Variants in OSBPL3 observed in about 807,000 individuals in gnomAD.
OSBPL3 encodes the protein oxysterol-binding protein-related protein 3.
OSBPL3 carries 65 observed loss-of-function variants against 120.1 expected under a neutral mutation model. The ratio of observed to expected loss-of-function variants is 0.54; its 90% CI spans 0.44 to 0.67. The LOEUF is 0.67. Ranked by LOEUF, OSBPL3 falls within the 30% of genes least tolerant of loss-of-function variation. OSBPL3 has a pLI of 0.00. For synonymous variants in OSBPL3, 416 were observed against 402.6 expected (o/e 1.03, Z -0.40); for missense variants, 1,004 against 1,082.1 (o/e 0.93, Z 1.01).
chr7:24,962,583 A>C (rs538808618), intron 1 of OSBPL3, among the ~76,000 whole-genome samples: 1 of 152,326 alleles, frequency 6.6e-6, no homozygotes, highest in East Asian at 1.9e-4. Context: ...AGGTGGGAAC[A>C]ACCAGAGCCA....
chr7:24,877,015 A>AT lies in OSBPL3; in HGVS notation c.97-4947dup, dbSNP rs1584474095. Reference sequence around the variant, plus strand: ...GAGATTGGATTTATTAGTATTCTTTATTTTTTTGCATGTGGAAACTGAGGA... The same window carrying AT: ...GAGATTGGATTTATTAGTATTCTTTATTTTTTTTGCATGTGGAAACTGAGGA... On this transcript the variant is annotated intron_variant, in intron 2 of 22. Coordinates refer to ENST00000313367, the MANE Select transcript of OSBPL3 (RefSeq NM_015550.4). This position sits in a 1 kb window ranked among gnomAD's most constrained non-coding sequence, Gnocchi z 4.8. Among the ~76,000 whole-genome samples, 1 of 152,088 alleles carries AT rather than the reference A, an allele frequency of 6.6e-6. No individual in the cohort carries two copies. Among genetic ancestry groups the AT allele is most frequent in the African/African-American group, 2.4e-5 (1 of 41,416 alleles).
Position 24,922,719 on chromosome 7 carries a change from C to A in OSBPL3, c.-149-30098G>T, listed in dbSNP as rs111821161. ...CCTGACCACCTGCTTCACAGCCTTG[C>A]TATGAACTCTGTTCTTTGCACGTAA... On this transcript the variant is annotated intron_variant, in intron 1 of 22. Transcript: ENST00000313367. The surrounding 1 kb of genome is among the most constrained non-coding windows in gnomAD (Gnocchi z 4.3). Among the ~76,000 whole-genome samples the A allele has an allele frequency of 6.6e-6, 1 of 152,132 alleles. No individual in the cohort carries two copies. Among genetic ancestry groups the A allele is most frequent in the African/African-American group, 2.4e-5 (1 of 41,404 alleles).
intron 1 of OSBPL3, 126 bp from the exon 2 acceptor site, chr7:24,892,747 C>T (rs7784081): frequency 1.5e-4 from 74 of 481,688 alleles, no homozygotes; most frequent in Non-Finnish European, 2.1e-4. Flanking sequence ...CTATAGCAGG[C>T]GCCGAGAAGG....
intron 1 of OSBPL3, among the ~76,000 whole-genome samples, chr7:24,978,093 A>G (rs1817784539): frequency 6.6e-6 from 1 of 152,230 alleles, no homozygotes; most frequent in Non-Finnish European, 1.5e-5. Context: ...CTGGAATCCT[A>G]GTTCTGCCAG....
chr7:24,828,394 T>A (rs938598375), intron 16 of OSBPL3, among the ~76,000 whole-genome samples: 2 of 152,086 alleles, frequency 1.3e-5, no homozygotes, highest in East Asian at 3.8e-4. Flanking sequence ...GCGGATCCCA[T>A]GAGGTCAGTT....
At chr7:24,860,419 C>T (rs73087750) in intron 10 of OSBPL3, among the ~76,000 whole-genome samples, 3,243 of 152,248 alleles carry the variant, frequency 0.021, 48 homozygotes, top group Non-Finnish European at 0.032. Context: ...ACGGGGGTGG[C>T]TTCCCAAATA....
At chr7:24,811,316 A>G (rs1793768116) in intron 19 of OSBPL3, among the ~76,000 whole-genome samples, 1 of 152,114 alleles carries the variant, frequency 6.6e-6, no homozygotes, top group African/African-American at 2.4e-5. Flanking sequence ...GGCCACTTGT[A>G]TGTCTTCTTT....
intron 1 of OSBPL3, among the ~76,000 whole-genome samples, chr7:24,951,447 T>G (rs1044669427): frequency 6.6e-6 from 1 of 152,236 alleles, no homozygotes; most frequent in African/African-American, 2.4e-5. Context: ...CTGAATGTTA[T>G]TAAATATATA....
intron 2 of OSBPL3, among the ~76,000 whole-genome samples, chr7:24,889,800 C>A (rs1805072650): frequency 6.6e-6 from 1 of 152,124 alleles, no homozygotes; most frequent in Non-Finnish European, 1.5e-5. Flanking sequence ...GAGGGGGAAG[C>A]CCCCACACCA....
At position 24,819,244 on chromosome 7, in the gene OSBPL3, T is replaced by C. The variant is rs1308497885; in HGVS notation, c.1948+931A>G. Reference sequence around the variant, plus strand: ...CTCCAGCCTAGCAACAGACTGAGACTCCATTTCAAAAAAAAAAAAAAAAAA... The same window carrying C: ...CTCCAGCCTAGCAACAGACTGAGACCCCATTTCAAAAAAAAAAAAAAAAAA... On this transcript the variant is annotated intron_variant, in intron 17 of 22. Transcript: ENST00000313367. The surrounding 1 kb of genome is among the most constrained non-coding windows in gnomAD (Gnocchi z 4.1). 8.5e-6 allele frequency among the ~76,000 whole-genome samples: 1 copy of C among 117,202 alleles called. No individual in the cohort carries two copies. Among genetic ancestry groups the C allele is most frequent in the Non-Finnish European group, 1.7e-5 (1 of 59,020 alleles). The allele number at this position is 117,202 out of a possible 152,430, so 76.9% of individuals were successfully genotyped here.
In OSBPL3 at chr7:24,803,120, C is replaced by G. The variant is rs539190871; in HGVS notation, c.2567+1195G>C. Among the ~76,000 whole-genome samples the G allele has an allele frequency of 2.6e-5, 4 of 152,294 alleles. No homozygotes were observed. Among genetic ancestry groups the G allele is most frequent in the African/African-American group, 7.2e-5 (3 of 41,564 alleles). On this transcript the variant is annotated intron_variant, in intron 22 of 22. Coordinates refer to ENST00000313367, the MANE Select transcript of OSBPL3 (RefSeq NM_015550.4). This position sits in a 1 kb window ranked among gnomAD's most constrained non-coding sequence, Gnocchi z 4.2. ...TGGAATACAGATTTTATTACTGCTG[C>G]TGTTATTAATAACTAAATCCTAAAA...
chr7:24,853,418 A>G (rs1244440966), intron 10 of OSBPL3, among the ~76,000 whole-genome samples: 1 of 152,228 alleles, frequency 6.6e-6, no homozygotes, highest in Non-Finnish European at 1.5e-5. Context: ...GAAACATTTT[A>G]TTTTTACAAG....
Position 24,803,685 on chromosome 7 carries a change from C to A in OSBPL3, c.2567+630G>T, listed in dbSNP as rs1384622044. Reference sequence around the variant, plus strand: ...ACTTAGGAGGCTGAGGCAGGAGAATCGCTTGAACCCAGGAGGTGGAGGCTG... The same window carrying A: ...ACTTAGGAGGCTGAGGCAGGAGAATAGCTTGAACCCAGGAGGTGGAGGCTG... On this transcript the variant is annotated intron_variant, in intron 22 of 22. Coordinates refer to ENST00000313367, the MANE Select transcript of OSBPL3 (RefSeq NM_015550.4). This position sits in a 1 kb window ranked among gnomAD's most constrained non-coding sequence, Gnocchi z 4.2. Among the ~76,000 whole-genome samples the A allele has an allele frequency of 6.6e-6, 1 of 152,050 alleles. No homozygotes were observed. The highest frequency in any genetic ancestry group is 2.1e-4 in the South Asian group (1 of 4,814).
intron 1 of OSBPL3, among the ~76,000 whole-genome samples, chr7:24,903,570 T>C (rs114308653): frequency 4.1e-4 from 63 of 152,376 alleles, no homozygotes; most frequent in African/African-American, 1.5e-3. Context: ...TTTTCTACCT[T>C]GTTCACAAGG....
rs138201019 is a variant in OSBPL3 at position 24,965,037 on chromosome 7, C to A, written c.-150+14849G>T. ...ATTATTTGTAATTGAGACTACTGGG[C>A]CACTAAAGTGCATGAGTTCAGAAGT... On this transcript the variant is annotated intron_variant, in intron 1 of 22. Transcript: ENST00000313367. This position sits in a 1 kb window ranked among gnomAD's most constrained non-coding sequence, Gnocchi z 4.3. 2.0e-5 allele frequency among the ~76,000 whole-genome samples: 3 copies of A among 152,200 alleles called. No homozygotes were observed. Among genetic ancestry groups the A allele is most frequent in the African/African-American group, 7.2e-5 (3 of 41,526 alleles).
chr7:24,901,363 A>AG (rs577443248), intron 1 of OSBPL3, among the ~76,000 whole-genome samples: 112 of 150,794 alleles, frequency 7.4e-4, no homozygotes, highest in Non-Finnish European at 1.3e-3. Context: ...GAAAAAAAAA[A>AG]AGAGAGAGAG....
chr7:24,905,789 G>C (rs928799101), intron 1 of OSBPL3, among the ~76,000 whole-genome samples: 6 of 152,200 alleles, frequency 3.9e-5, no homozygotes, highest in African/African-American at 7.2e-5. Context: ...TCAGCACTTC[G>C]GGAGGCCGAG....
In OSBPL3 at chr7:24,938,779, A is replaced by ATGTGTGTGTCTGTG. The variant is rs1464067345; in HGVS notation, c.-150+41106_-150+41107insCACAGACACACACA. 5.1e-3 allele frequency among the ~76,000 whole-genome samples: 481 copies of ATGTGTGTGTCTGTG among 94,230 alleles called. 25 individuals carry two copies. The highest frequency in any genetic ancestry group is 0.014 in the Admixed American group (134 of 9,356). The allele number at this position is 94,230 out of a possible 152,430, so 61.8% of individuals were successfully genotyped here. ...AACTGAATAATGAGGTTTTGTTTTG[A>ATGTGTGTGTCTGTG]TGTGTGTGTGTGTGTGTGTGTGTGT... is the stretch of plus-strand genomic sequence containing the variant. On this transcript the variant is annotated intron_variant, in intron 1 of 22. Transcript: ENST00000313367. The surrounding 1 kb of genome is among the most constrained non-coding windows in gnomAD (Gnocchi z 5.8).
chr7:24,878,964 T>G (rs1220642196), intron 2 of OSBPL3, among the ~76,000 whole-genome samples: 1 of 152,212 alleles, frequency 6.6e-6, no homozygotes, highest in East Asian at 1.9e-4. Context: ...AAATTGGGAT[T>G]TGACTTGACA....
Sources: gnomAD v4.1 joint callset for allele counts (sites outside exome capture counted in the v4.1 genomes callset) on GRCh38, gnomAD v4.1.1 for gene constraint, Gnocchi (gnomAD v3.1) non-coding constraint, MANE v1.5 for transcripts, NCBI Gene and HGNC (gene_info 2026-07-23, HGNC 2026-07-21) for gene names.